The following SGCZ variants were observed in gnomAD, a reference collection of about 807,000 sequenced individuals.
The protein encoded by SGCZ is sarcoglycan zeta.
SGCZ carries 40 observed loss-of-function variants against 41.3 expected under a neutral mutation model. That is an observed-to-expected ratio of 0.97 (90% confidence interval 0.75 to 1.26). SGCZ has a LOEUF of 1.26. SGCZ is among the 50% of genes most tolerant of loss of function. SGCZ has a pLI of 0.00. For missense variants in SGCZ, 552 were observed against 369.8 expected, an observed-to-expected ratio of 1.49 and a Z score of -4.04; for synonymous variants, 206 against 137.5, an observed-to-expected ratio of 1.50 and a Z score of -3.49.
intron 7 of SGCZ, among the ~76,000 whole-genome samples, chr8:14,092,517 C>T (rs1801717287): frequency 6.6e-6 from 1 of 151,936 alleles, no homozygotes; most frequent in African/African-American, 2.4e-5. Flanking sequence ...ACCCAAACCT[C>T]ATCTTGAATT....
intron 1 of SGCZ, among the ~76,000 whole-genome samples, chr8:14,837,822 T>C (rs1161068930): frequency 1.3e-5 from 2 of 152,144 alleles, no homozygotes; most frequent in Non-Finnish European, 2.9e-5. Context: ...CATAATATAT[T>C]TAGGGAGTGC....
intron 1 of SGCZ, among the ~76,000 whole-genome samples, chr8:14,856,487 G>C (rs1485930088): frequency 2.0e-5 from 3 of 152,178 alleles, no homozygotes; most frequent in African/African-American, 7.2e-5. Context: ...TCCACACTCA[G>C]CTTGGCAAAG....
intron 1 of SGCZ, among the ~76,000 whole-genome samples, chr8:14,843,324 G>A (rs1258271380): frequency 6.6e-6 from 1 of 152,016 alleles, no homozygotes; most frequent in African/African-American, 2.4e-5. Context: ...CGACCTATGA[G>A]TACATTATTA....
chr8:14,729,741 T>C (rs1563230812), intron 1 of SGCZ, among the ~76,000 whole-genome samples: 1 of 152,172 alleles, frequency 6.6e-6, no homozygotes, highest in Non-Finnish European at 1.5e-5. Flanking sequence ...AACTGATACA[T>C]ATTTATCTGC....
chr8:15,049,564 G>A lies in SGCZ; in HGVS notation c.39+188021C>T, dbSNP rs186499831. On this transcript the variant is annotated intron_variant, in intron 1 of 7. Coordinates refer to ENST00000382080, the MANE Select transcript of SGCZ (RefSeq NM_139167.4). Reference sequence around the variant, plus strand: ...TTGAATGATTTAGAGAAGGCCAGGAGTGGAAGCATGGAGACCAATTAGGCA... The same window carrying A: ...TTGAATGATTTAGAGAAGGCCAGGAATGGAAGCATGGAGACCAATTAGGCA... 1.2e-3 allele frequency among the ~76,000 whole-genome samples: 179 copies of A among 152,298 alleles called. 3 individuals carry two copies. Among genetic ancestry groups the A allele is most frequent in the Admixed American group, 0.011 (163 of 15,286 alleles).
At chr8:14,962,830 G>T (rs1801005537) in intron 1 of SGCZ, among the ~76,000 whole-genome samples, 3 of 152,126 alleles carry the variant, frequency 2.0e-5, no homozygotes. Context: ...GCAGAACAAG[G>T]GAGCTTGAAT....
intron 1 of SGCZ, among the ~76,000 whole-genome samples, chr8:14,985,230 CT>C (rs1563411724): frequency 6.6e-6 from 1 of 152,016 alleles, no homozygotes; most frequent in African/African-American, 2.4e-5. Flanking sequence ...ATCAAGGTGC[CT>C]TTTTTTCTAT....
rs914856372 is a variant in SGCZ at position 14,620,187 on chromosome 8, G to A, written c.40-65261C>T. Reference sequence around the variant, plus strand: ...AAACCTGACAAAAACAAGAAATGGGGAAAGGATTCCCTATTTAATAAATGG... The same window carrying A: ...AAACCTGACAAAAACAAGAAATGGGAAAAGGATTCCCTATTTAATAAATGG... On this transcript the variant is annotated intron_variant, in intron 1 of 7. Coordinates refer to ENST00000382080, the MANE Select transcript of SGCZ (RefSeq NM_139167.4). Among the ~76,000 whole-genome samples the A allele has an allele frequency of 3.3e-5, 5 of 152,204 alleles. No individual in the cohort carries two copies. In the South Asian group the frequency reaches 1.0e-3, roughly 32 times the overall value.
chr8:14,573,189 CTTTTTTTTTTTT>C (rs35000758), intron 1 of SGCZ, among the ~76,000 whole-genome samples: 1 of 76,464 alleles, frequency 1.3e-5, no homozygotes, highest in African/African-American at 5.3e-5. Context: ...CTTAGCAAGT[CTTTTTTTTTTTT>C]TTTTTTTTTT....
At chr8:14,836,758 T>C (rs1802715138) in intron 1 of SGCZ, among the ~76,000 whole-genome samples, 1 of 152,184 alleles carries the variant, frequency 6.6e-6, no homozygotes, top group African/African-American at 2.4e-5. Context: ...CACCTCGGCT[T>C]CCCAAAGTGC....
chr8:15,129,241 C>T (rs1272981120), intron 1 of SGCZ, among the ~76,000 whole-genome samples: 1 of 152,102 alleles, frequency 6.6e-6, no homozygotes, highest in Non-Finnish European at 1.5e-5. Context: ...TACCCCTAAT[C>T]GCGTCTATTA....
intron 5 of SGCZ, among the ~76,000 whole-genome samples, chr8:14,133,172 G>C (rs193144983): frequency 6.6e-6 from 1 of 152,300 alleles, no homozygotes; most frequent in East Asian, 1.9e-4. Context: ...GTTCTTTTGT[G>C]AACATGTATC....
rs1057089703 is a variant in SGCZ, at chr8:15,217,424, A to C, written c.39+20161T>G. ...ACAGCGAGACTCCGTCTCAAAAAAAAAAAAAAAGAATTGAACTAACAAAAA... is the reference window on the plus strand; with the variant it reads ...ACAGCGAGACTCCGTCTCAAAAAAACAAAAAAAGAATTGAACTAACAAAAA... On this transcript the variant is annotated intron_variant, in intron 1 of 7. Coordinates refer to ENST00000382080, the MANE Select transcript of SGCZ (RefSeq NM_139167.4). Among the ~76,000 whole-genome samples, 245 of 152,130 alleles carry C rather than the reference A, an allele frequency of 1.6e-3. 3 individuals carry two copies. In the South Asian group the frequency reaches 0.023, roughly 14 times the overall value.
intron 2 of SGCZ, among the ~76,000 whole-genome samples, chr8:14,452,333 T>G (rs1800618602): frequency 6.6e-6 from 1 of 152,082 alleles, no homozygotes; most frequent in Non-Finnish European, 1.5e-5. Context: ...AAGGGCACAG[T>G]GGATTTCCAG....
chr8:14,370,611 T>C (rs535316915), intron 2 of SGCZ, among the ~76,000 whole-genome samples: 15 of 152,046 alleles, frequency 9.9e-5, no homozygotes, highest in African/African-American at 3.6e-4. Context: ...TTTATATTCA[T>C]ATATTTATAT....
At chr8:14,770,736 G>A (rs1419623565) in intron 1 of SGCZ, among the ~76,000 whole-genome samples, 1 of 151,972 alleles carries the variant, frequency 6.6e-6, no homozygotes, top group Non-Finnish European at 1.5e-5. Flanking sequence ...CATAGTATCT[G>A]CCACCAAAAG....
At chr8:14,711,516 T>C (rs932657702) in intron 1 of SGCZ, among the ~76,000 whole-genome samples, 48 of 149,114 alleles carry the variant, frequency 3.2e-4, no homozygotes, top group Non-Finnish European at 2.8e-4. Flanking sequence ...GCAGGAGAAT[T>C]GCTTGAATCC....
intron 1 of SGCZ, among the ~76,000 whole-genome samples, chr8:14,735,350 C>A (rs1344354382): frequency 6.6e-6 from 1 of 152,162 alleles, no homozygotes; most frequent in East Asian, 1.9e-4. Flanking sequence ...GGGCACCATC[C>A]AATTGGCCGC....
intron 1 of SGCZ, among the ~76,000 whole-genome samples, chr8:14,559,313 AG>A (rs1804136364): frequency 6.6e-6 from 1 of 152,164 alleles, no homozygotes; most frequent in African/African-American, 2.4e-5. Flanking sequence ...TACACAAATC[AG>A]TAGTTCTGCT....
Sources: gnomAD v4.1 joint callset for allele counts (sites outside exome capture counted in the v4.1 genomes callset) on GRCh38, gnomAD v4.1.1 for gene constraint, MANE v1.5 for transcripts, NCBI Gene and HGNC (gene_info 2026-07-23, HGNC 2026-07-21) for gene names.